The following PAK5 variants were observed in gnomAD, a reference collection of about 807,000 sequenced individuals.
PAK5 encodes the protein serine/threonine-protein kinase PAK 5.
PAK5 carries 16 observed loss-of-function variants against 65.9 expected under a neutral mutation model. That is an observed-to-expected ratio of 0.24 (90% CI 0.16 to 0.37). PAK5 has a LOEUF of 0.37. PAK5 is among the 10% of genes least tolerant of loss of function. The pLI is 1.00. For synonymous variants in PAK5, 371 were observed against 354.9 expected (o/e 1.05, Z -0.51); for missense variants, 785 against 903.9 (o/e 0.87, Z 1.69).
chr20:9,667,174 G>C (rs970987251), intron 2 of PAK5, among the ~76,000 whole-genome samples: 2 of 152,168 alleles, frequency 1.3e-5, no homozygotes, highest in African/African-American at 2.4e-5. Context: ...CTACTTGGGA[G>C]GCTGAGGCAG....
In PAK5 at chr20:9,752,099, C is replaced by T. The variant is rs184884372; in HGVS notation, c.-161-40664G>A. Among the ~76,000 whole-genome samples, 184 of 152,156 alleles carry T rather than the reference C, an allele frequency of 1.2e-3. 1 individual carries two copies. Among genetic ancestry groups the T allele is most frequent in the African/African-American group, 3.7e-3 (153 of 41,530 alleles). ...GAAGGAAGTACACAAAGCTACACAGCGGAAAGTAATCAGGGGAGTCCTGCT... is the reference window on the plus strand; with the variant it reads ...GAAGGAAGTACACAAAGCTACACAGTGGAAAGTAATCAGGGGAGTCCTGCT... On this transcript the variant is annotated intron_variant, in intron 1 of 9. Coordinates refer to ENST00000353224, the MANE Select transcript of PAK5 (RefSeq NM_177990.4).
intron 3 of PAK5, among the ~76,000 whole-genome samples, chr20:9,622,392 A>G (rs2046782358): frequency 6.6e-6 from 1 of 152,194 alleles, no homozygotes; most frequent in African/African-American, 2.4e-5. Context: ...ATCTCCATGT[A>G]TCTGGTAGGT....
At chr20:9,558,820 C>T (rs113086292) in intron 6 of PAK5, among the ~76,000 whole-genome samples, 11 of 152,146 alleles carry the variant, frequency 7.2e-5, no homozygotes, top group African/African-American at 2.4e-4. Context: ...CGAAGCAAAG[C>T]ATTGGTTATG....
intron 7 of PAK5, among the ~76,000 whole-genome samples, chr20:9,557,134 A>T (rs1296228782): frequency 6.6e-6 from 1 of 152,152 alleles, no homozygotes; most frequent in Non-Finnish European, 1.5e-5. Flanking sequence ...CTCATACACT[A>T]TTCCTTATGA....
At chr20:9,562,192 T>C (rs1026984093) in intron 6 of PAK5, among the ~76,000 whole-genome samples, 5 of 152,206 alleles carry the variant, frequency 3.3e-5, no homozygotes, top group African/African-American at 1.2e-4. Context: ...GCTACATATA[T>C]ATATCTTCTT....
intron 1 of PAK5, among the ~76,000 whole-genome samples, chr20:9,769,291 T>C (rs1342908252): frequency 6.6e-6 from 1 of 152,218 alleles, no homozygotes; most frequent in Non-Finnish European, 1.5e-5. Context: ...TCTCTCCTAA[T>C]CAGTATAGCG....
At chr20:9,630,817 G>A (rs1330253479) in intron 3 of PAK5, among the ~76,000 whole-genome samples, 3 of 152,124 alleles carry the variant, frequency 2.0e-5, no homozygotes, top group South Asian at 4.1e-4. Flanking sequence ...GAAGAGTCAC[G>A]GACCAGTAAT....
At chr20:9,796,515 T>A (rs987973260) in intron 1 of PAK5, among the ~76,000 whole-genome samples, 1 of 152,100 alleles carries the variant, frequency 6.6e-6, no homozygotes, top group African/African-American at 2.4e-5. Context: ...GATTAATAGA[T>A]CTTGTAAGAT....
intron 1 of PAK5, among the ~76,000 whole-genome samples, chr20:9,749,135 CA>C (rs925169783): frequency 4.6e-5 from 7 of 152,094 alleles, no homozygotes; most frequent in South Asian, 2.1e-4. Flanking sequence ...TAGCTGTGCA[CA>C]AAAAAACTCA....
At chr20:9,542,332 T>C (rs1184959769) in intron 9 of PAK5, among the ~76,000 whole-genome samples, 3 of 152,186 alleles carry the variant, frequency 2.0e-5, no homozygotes, top group Non-Finnish European at 2.9e-5. Flanking sequence ...TTTACTCTTC[T>C]AACCAACCCT....
rs772601881 is a variant in PAK5 at position 9,557,617 on chromosome 20, G to A, written c.1734C>T (p.Ser578=). The A allele has an allele frequency of 4.3e-5, 70 of 1,609,532 alleles. No homozygotes were observed. Among genetic ancestry groups the A allele is most frequent in the South Asian group, 2.3e-4 (21 of 89,996 alleles). Residue 578 remains serine (S), a synonymous_variant, in exon 7 of 10, where the codon AGC becomes AGT. Coordinates refer to ENST00000353224, the MANE Select transcript of PAK5 (RefSeq NM_177990.4). Reference sequence around the variant, plus strand: ...AACATGAACATCTTACCCGGCCATCGCTTGTCAGGAGGATGGAGTCACTTT... The same window carrying A: ...AACATGAACATCTTACCCGGCCATCACTTGTCAGGAGGATGGAGTCACTTT... ...DIKSDSILLT[S]DGRIKLSDFG...
At chr20:9,716,389 C>T (rs1262879817) in intron 1 of PAK5, among the ~76,000 whole-genome samples, 1 of 152,136 alleles carries the variant, frequency 6.6e-6, no homozygotes, top group Non-Finnish European at 1.5e-5. Context: ...AGTCACCTGT[C>T]ATGGAATACA....
intron 2 of PAK5, among the ~76,000 whole-genome samples, chr20:9,666,178 T>C (rs1178378062): frequency 1.3e-5 from 2 of 152,074 alleles, no homozygotes; most frequent in Non-Finnish European, 2.9e-5. Context: ...GAATCCGATA[T>C]AACTTTACAA....
chr20:9,652,975 T>C (rs2047220608), intron 2 of PAK5, among the ~76,000 whole-genome samples: 2 of 152,180 alleles, frequency 1.3e-5, no homozygotes, highest in South Asian at 4.1e-4. Context: ...CAGTTGGATT[T>C]AGCATATACA....
chr20:9,622,635 C>T (rs905376933), intron 3 of PAK5, among the ~76,000 whole-genome samples: 3 of 152,206 alleles, frequency 2.0e-5, no homozygotes, highest in African/African-American at 7.2e-5. Flanking sequence ...ACCAGCTGAG[C>T]TCTGCCTCTT....
intron 1 of PAK5, among the ~76,000 whole-genome samples, chr20:9,758,964 G>C (rs559783095): frequency 3.3e-5 from 5 of 152,158 alleles, no homozygotes; most frequent in African/African-American, 1.2e-4. Flanking sequence ...TGTAGTTCCA[G>C]GTCTGCTCTC....
At chr20:9,679,551 A>T (rs1361378361) in intron 2 of PAK5, among the ~76,000 whole-genome samples, 1 of 152,094 alleles carries the variant, frequency 6.6e-6, no homozygotes, top group African/African-American at 2.4e-5. Flanking sequence ...TGGCATAGTA[A>T]TTCTCATATT....
rs750374874 is a variant in PAK5, at chr20:9,637,352, A to G, written c.204+6773T>C. ...CACATGATCCATTAAGCATCCACCA[A>G]TGAATGACATTATCACATGTAATGT... On this transcript the variant is annotated intron_variant, in intron 3 of 9. Transcript: ENST00000353224. Among the ~76,000 whole-genome samples the G allele has an allele frequency of 2.0e-5, 3 of 152,180 alleles. No homozygotes were observed. In the East Asian group the frequency reaches 5.8e-4, roughly 29 times the overall value.
At chr20:9,628,062 G>GA (rs146521087) in intron 3 of PAK5, among the ~76,000 whole-genome samples, 2,634 of 152,222 alleles carry the variant, frequency 0.017, 74 homozygotes, top group African/African-American at 0.059. Flanking sequence ...AATTGAGAGA[G>GA]AAAATCTCAA....
Sources: allele counts gnomAD v4.1 joint callset (sites outside exome capture counted in the v4.1 genomes callset), GRCh38; gene constraint gnomAD v4.1.1; transcripts MANE v1.5; gene names NCBI Gene and HGNC (gene_info 2026-07-23, HGNC 2026-07-21).